ZNF609: variants seen among roughly 807,000 people sequenced by gnomAD.
ZNF609 encodes zinc finger protein 609.
In ZNF609, 11 loss-of-function variants were observed where a neutral mutation model predicts 109.5. That is an observed-to-expected ratio of 0.10 (90% CI 0.06 to 0.17). The LOEUF (loss-of-function observed/expected upper bound fraction) is 0.17, where lower values mean the gene tolerates loss of function less well. ZNF609 is among the 10% of genes least tolerant of loss of function. The pLI, the probability that ZNF609 is intolerant of heterozygous loss-of-function variation, is 1.00. For missense variants in ZNF609, 1,559 were observed against 1,772.4 expected, an observed-to-expected ratio of 0.88 and a Z score of 2.16; for synonymous variants, 646 against 662.0, an observed-to-expected ratio of 0.98 and a Z score of 0.37.
At position 64,674,047 on chromosome 15, in the gene ZNF609, G is replaced by T; in HGVS notation, c.1193G>T (p.Ser398Ile). The change falls in exon 5 of 10, where the codon AGC (serine) becomes ATC (isoleucine). Residue 398 changes from serine to isoleucine, a missense_variant. By Grantham distance (142) the Ser-to-Ile change is moderately radical (BLOSUM62 -2). Around this residue, in one of 4 missense-constraint regions of ZNF609, gnomAD observed 1,204 missense variants for 1,314.1 expected, o/e 0.92. Coordinates refer to ENST00000326648, the MANE Select transcript of ZNF609 (RefSeq NM_015042.2). ...TCTGACAGCAAAGGGACCAGTAACA[G>T]CAGCAAAACCCGGGCAGGAGCCAAT... ...TASDSKGTSN[S>I]SKTRAGANSK... The T allele has an allele frequency of 6.2e-7, 1 of 1,614,196 alleles. No individual in the cohort carries two copies. Among genetic ancestry groups the T allele is most frequent in the Non-Finnish European group, 8.5e-7 (1 of 1,180,038 alleles).
rs192452033 is a variant in ZNF609 at position 64,577,092 on chromosome 15, G to A, written c.748-45735G>A. Among the ~76,000 whole-genome samples, 537 of 89,922 alleles carry A rather than the reference G, an allele frequency of 6.0e-3. 33 individuals are homozygous for A. Among genetic ancestry groups the A allele is most frequent in the South Asian group, 0.012 (36 of 3,010 alleles). The allele number at this position is 89,922 out of a possible 152,430, so 59.0% of individuals were successfully genotyped here. On this transcript the variant is annotated intron_variant, in intron 2 of 9. Transcript: ENST00000326648. Reference sequence around the variant, plus strand: ...TATATACACAAATATATACATATATGTATATATACACACAAATATATACAT... The same window carrying A: ...TATATACACAAATATATACATATATATATATATACACACAAATATATACAT...
At position 64,528,968 on chromosome 15, in the gene ZNF609, G is replaced by C; in HGVS notation, c.747+28802G>C. ...TCCGCCACTGACACATTGGCAGTGG[G>C]GACATGGAAGGCCATGCCAGTGAGC... is the stretch of plus-strand genomic sequence containing the variant. On this transcript the variant is annotated intron_variant, in intron 2 of 9. Transcript: ENST00000326648. The C allele has an allele frequency of 2.1e-6, 3 of 1,456,192 alleles. No individual in the cohort carries two copies. In the South Asian group the frequency reaches 3.5e-5, roughly 17 times the overall value. 90.2% of individuals were successfully genotyped at this position (1,456,192 alleles called of 1,614,324 possible). A position where few individuals can be genotyped will look rare whatever the true frequency, so the allele number is the denominator to read the frequency against.
At chr15:64,644,981 T>TTTTCTCTCTTTC (rs1896309555) in intron 3 of ZNF609, among the ~76,000 whole-genome samples, 1 of 139,580 alleles carries the variant, frequency 7.2e-6, no homozygotes. Flanking sequence ...CTTTCTTTCT[T>TTTTCTCTCTTTC]TTTCTTTCTT....
chr15:64,480,654 G>A (rs1210385272), intron 1 of ZNF609, among the ~76,000 whole-genome samples: 1 of 152,118 alleles, frequency 6.6e-6, no homozygotes, highest in African/African-American at 2.4e-5. Context: ...GAATGATAGA[G>A]GCAGCAAGTG....
intron 1 of ZNF609, among the ~76,000 whole-genome samples, chr15:64,465,501 C>G (rs1364386622): frequency 2.6e-5 from 4 of 152,026 alleles, no homozygotes; most frequent in African/African-American, 4.8e-5. Flanking sequence ...TTGCGTCAGC[C>G]TCCTGAATGG....
At chr15:64,495,751 CTTT>C (rs112898156) in intron 1 of ZNF609, among the ~76,000 whole-genome samples, 1 of 136,574 alleles carries the variant, frequency 7.3e-6, no homozygotes. Flanking sequence ...TTCCTTGTAT[CTTT>C]TTTTTTTTTA....
intron 3 of ZNF609, among the ~76,000 whole-genome samples, chr15:64,655,761 C>T (rs1031058231): frequency 2.6e-5 from 4 of 151,906 alleles, no homozygotes; most frequent in Non-Finnish European, 4.4e-5. Flanking sequence ...ACCCAGGGGA[C>T]GGGGTTGCAG....
intron 1 of ZNF609, among the ~76,000 whole-genome samples, chr15:64,487,609 G>T (rs965327403): frequency 6.8e-5 from 10 of 146,812 alleles, no homozygotes; most frequent in Non-Finnish European, 1.5e-4. Flanking sequence ...ATTCACAGGT[G>T]TTTTTTTTTT....
At chr15:64,484,867 A>G (rs1322722654) in intron 1 of ZNF609, among the ~76,000 whole-genome samples, 49 of 138,338 alleles carry the variant, frequency 3.5e-4, no homozygotes, top group East Asian at 1.6e-3. Context: ...CCAGCTATTC[A>G]GGAGGCTGAG....
intron 2 of ZNF609, among the ~76,000 whole-genome samples, chr15:64,531,879 C>A (rs1267868692): frequency 6.6e-6 from 1 of 152,194 alleles, no homozygotes; most frequent in African/African-American, 2.4e-5. Context: ...ATAGTCTGTT[C>A]TTAGCACAGC....
intron 1 of ZNF609, among the ~76,000 whole-genome samples, chr15:64,492,803 A>G (rs559295829): frequency 6.6e-6 from 1 of 152,326 alleles, no homozygotes; most frequent in Non-Finnish European, 1.5e-5. Context: ...GTCAATGGAA[A>G]TTTGAGTCCA....
intron 3 of ZNF609, among the ~76,000 whole-genome samples, chr15:64,663,484 G>A (rs546140154): frequency 2.0e-5 from 3 of 152,124 alleles, no homozygotes; most frequent in Non-Finnish European, 4.4e-5. Context: ...TTAAGTTTGA[G>A]ATCTCCATTT....
chr15:64,474,481 G>A (rs1893139431), intron 1 of ZNF609, among the ~76,000 whole-genome samples: 1 of 152,146 alleles, frequency 6.6e-6, no homozygotes, highest in South Asian at 2.1e-4. Context: ...CCAAAGTGCT[G>A]GGATTACAGG....
At position 64,678,528 on chromosome 15, in the gene ZNF609, A is replaced by G. The variant is rs370027687; in HGVS notation, c.3769+46A>G. On this transcript the variant is annotated intron_variant, in intron 6 of 9. Coordinates refer to ENST00000326648, the MANE Select transcript of ZNF609 (RefSeq NM_015042.2). Reference sequence around the variant, plus strand: ...ACTATTCCATTCACTGGAAGGGGGAATGAAGCACAGATTTCACATCCAGAG... The same window carrying G: ...ACTATTCCATTCACTGGAAGGGGGAGTGAAGCACAGATTTCACATCCAGAG... 20 of 1,519,226 alleles carry G rather than the reference A, an allele frequency of 1.3e-5. No homozygotes were observed. In the African/African-American group the frequency reaches 2.2e-4, roughly 17 times the overall value. The allele number at this position is 1,519,226 out of a possible 1,614,324, so 94.1% of individuals were successfully genotyped here.
At chr15:64,642,340 T>G (rs530763187) in intron 3 of ZNF609, among the ~76,000 whole-genome samples, 1 of 152,058 alleles carries the variant, frequency 6.6e-6, no homozygotes, top group Admixed American at 6.6e-5. Context: ...TGTACCACCA[T>G]GTCTGGCTAA....
At chr15:64,485,417 GA>G (rs1434112910) in intron 1 of ZNF609, among the ~76,000 whole-genome samples, 1 of 152,274 alleles carries the variant, frequency 6.6e-6, no homozygotes, top group Admixed American at 6.5e-5. Flanking sequence ...AACGGCGGTA[GA>G]AATTTAAAAA....
chr15:64,588,630 C>T (rs905777498), intron 2 of ZNF609, among the ~76,000 whole-genome samples: 2 of 151,120 alleles, frequency 1.3e-5, no homozygotes, highest in Non-Finnish European at 2.9e-5. Context: ...CAGGCATGAA[C>T]CACCATGCCT....
At chr15:64,650,958 C>T (rs1004323023) in intron 3 of ZNF609, among the ~76,000 whole-genome samples, 3 of 151,952 alleles carry the variant, frequency 2.0e-5, no homozygotes, top group Non-Finnish European at 2.9e-5. Flanking sequence ...GTTACTGGCC[C>T]GGCAGAGCCA....
intron 1 of ZNF609, among the ~76,000 whole-genome samples, chr15:64,493,748 G>C (rs774733340): frequency 2.0e-5 from 3 of 152,232 alleles, no homozygotes; most frequent in Non-Finnish European, 4.4e-5. Context: ...TGTGGTCTCT[G>C]TAAGATATTG....
Sources: gnomAD v4.1 joint callset for allele counts (sites outside exome capture counted in the v4.1 genomes callset) on GRCh38, gnomAD v4.1.1 for gene constraint, gnomAD v4.1.1 regional missense constraint, MANE v1.5 for transcripts, NCBI Gene and HGNC (gene_info 2026-07-23, HGNC 2026-07-21) for gene names.